MYPN: variants seen among roughly 807,000 people sequenced by gnomAD.
The protein encoded by MYPN is sarcomeric protein myopalladin, 145 kDa (MYOP).
A neutral mutation model predicts 129.4 loss-of-function variants in MYPN; 63 were observed. That is an observed-to-expected ratio of 0.49 (90% confidence interval 0.40 to 0.60). The LOEUF (loss-of-function observed/expected upper bound fraction) is 0.60, where lower values mean the gene tolerates loss of function less well. MYPN is among the 20% of genes least tolerant of loss of function. MYPN has a pLI of 0.00. For synonymous variants in MYPN, 629 were observed against 600.9 expected (o/e 1.05, Z -0.68); for missense variants, 1,596 against 1,635.4 (o/e 0.98, Z 0.42).
intron 12 of MYPN, among the ~76,000 whole-genome samples, chr10:68,182,404 C>A (rs28589321): frequency 2.4e-5 from 2 of 83,344 alleles, no homozygotes; most frequent in African/African-American, 3.5e-5. Flanking sequence ...ATATATATAA[C>A]ACATATATAT....
At chr10:68,120,602 T>C (rs1463760394) in intron 1 of MYPN, among the ~76,000 whole-genome samples, 1 of 152,198 alleles carries the variant, frequency 6.6e-6, no homozygotes, top group African/African-American at 2.4e-5. Context: ...TCTAGCAAGC[T>C]TGTCAAAAAA....
At chr10:68,169,181 TA>T (rs59317396) in intron 10 of MYPN, among the ~76,000 whole-genome samples, 9,888 of 89,468 alleles carry the variant, frequency 0.11, 578 homozygotes, top group African/African-American at 0.18. Flanking sequence ...CCGTCTCTAC[TA>T]AAAAAAAAAA....
In MYPN at chr10:68,131,650, A is replaced by G. The variant is rs376344119; in HGVS notation, c.902+9310A>G. On this transcript the variant is annotated intron_variant, in intron 2 of 19. Coordinates refer to ENST00000358913, the MANE Select transcript of MYPN (RefSeq NM_032578.4). ...TGCCTGGTTGTCCTGAGTAGCAGGG[A>G]CTACAGGTGTAAGCCACTATGCCAG... Among the ~76,000 whole-genome samples the G allele has an allele frequency of 9.9e-5, 15 of 152,280 alleles. No individual in the cohort carries two copies. The East Asian group carries it at 2.5e-3, about 25-fold the overall frequency.
rs142867001 is a variant in MYPN, at chr10:68,121,903, C to G, written c.465C>G (p.Ala155=). The G allele has an allele frequency of 1.5e-4, 249 of 1,614,152 alleles. No individual in the cohort carries two copies. The African/African-American group carries it at 3.0e-3, about 20-fold the overall frequency. ...AAAAAGTATTTTTAAATAAGGCTGC[C>G]GACTTCATTGAAGAGCTATCCTCCC... ...QSKKVFLNKA[A]DFIEELSSLF... Residue 155 remains alanine (A), a synonymous_variant, in exon 2 of 20, where the codon GCC becomes GCG. Transcript: ENST00000358913.
At chr10:68,101,199 C>T (rs1272618325), upstream of MYPN, among the ~76,000 whole-genome samples, 1 of 152,014 alleles carries the variant, frequency 6.6e-6, no homozygotes, top group African/African-American at 2.4e-5. Flanking sequence ...AAAAAAAGAC[C>T]TGGTTGAATT....
intron 1 of MYPN, among the ~76,000 whole-genome samples, chr10:68,117,439 C>G (rs950853101): frequency 1.3e-5 from 2 of 151,996 alleles, no homozygotes; most frequent in Non-Finnish European, 2.9e-5. Flanking sequence ...GGACAGTGAG[C>G]TTTGGGAGCA....
chr10:68,177,469 G>A (rs1276560521), intron 12 of MYPN, among the ~76,000 whole-genome samples: 1 of 152,208 alleles, frequency 6.6e-6, no homozygotes, highest in East Asian at 1.9e-4. Flanking sequence ...AGCTGTCTGA[G>A]ATGGAATGCT....
intron 4 of MYPN, among the ~76,000 whole-genome samples, chr10:68,147,095 C>T (rs2042679285): frequency 6.6e-6 from 1 of 152,118 alleles, no homozygotes; most frequent in Non-Finnish European, 1.5e-5. Flanking sequence ...ATTCTAAACA[C>T]ATTACATGAA....
chr10:68,111,784 C>G (rs570477851), intron 1 of MYPN, among the ~76,000 whole-genome samples: 1 of 152,330 alleles, frequency 6.6e-6, no homozygotes, highest in Non-Finnish European at 1.5e-5. Flanking sequence ...GAGACCTCCA[C>G]TCGGAGTCAC....
chr10:68,103,910 A>T (rs1434288135), upstream of MYPN, among the ~76,000 whole-genome samples: 1 of 152,222 alleles, frequency 6.6e-6, no homozygotes, highest in Non-Finnish European at 1.5e-5. Flanking sequence ...AGACCGCACC[A>T]TTGCACTCCA....
chr10:68,188,873 T>C (rs2043463234), intron 12 of MYPN, 32 bp from the exon 13 acceptor site: 3 of 1,584,762 alleles, frequency 1.9e-6, no homozygotes, highest in East Asian at 2.2e-5. Flanking sequence ...CCTTGCCATA[T>C]GGAAATTGAA....
chr10:68,103,353 C>A (rs991780334), upstream of MYPN, among the ~76,000 whole-genome samples: 1 of 152,168 alleles, frequency 6.6e-6, no homozygotes, highest in African/African-American at 2.4e-5. Flanking sequence ...GGTAACTTCC[C>A]AGAAGTGTGT....
chr10:68,146,150 C>A (rs541806168), intron 4 of MYPN, among the ~76,000 whole-genome samples: 1 of 152,204 alleles, frequency 6.6e-6, no homozygotes, highest in Admixed American at 6.5e-5. Flanking sequence ...GGCATACATA[C>A]AAAGCCTTAT....
At chr10:68,181,809 A>C (rs927041509) in intron 12 of MYPN, among the ~76,000 whole-genome samples, 5 of 151,746 alleles carry the variant, frequency 3.3e-5, no homozygotes, top group Non-Finnish European at 4.4e-5. Flanking sequence ...CAGATGGCAA[A>C]CCCCTGTGTC....
chr10:68,136,580 G>T (rs2042490637), intron 2 of MYPN: 1 of 1,493,814 alleles, frequency 6.7e-7, no homozygotes, highest in Non-Finnish European at 8.9e-7. Flanking sequence ...CAGAGTGACG[G>T]TTACCGATTG....
chr10:68,192,401 A>G (rs1191872938), intron 13 of MYPN, among the ~76,000 whole-genome samples: 1 of 152,078 alleles, frequency 6.6e-6, no homozygotes, highest in Non-Finnish European at 1.5e-5. Flanking sequence ...TTAGTTTGGT[A>G]GTATTTTGTT....
chr10:68,107,956 G>C (rs2042033096), upstream of MYPN, among the ~76,000 whole-genome samples: 2 of 152,128 alleles, frequency 1.3e-5, no homozygotes. Flanking sequence ...ATTGATTACG[G>C]CTTAAGATCT....
At chr10:68,203,223 C>G (rs867345768) in intron 18 of MYPN, among the ~76,000 whole-genome samples, 32 of 152,058 alleles carry the variant, frequency 2.1e-4, no homozygotes, top group Admixed American at 7.2e-4. Flanking sequence ...ACTCAGAGAC[C>G]GCTGCCCACT....
At chr10:68,129,190 C>T (rs935677925) in intron 2 of MYPN, among the ~76,000 whole-genome samples, 19 of 152,168 alleles carry the variant, frequency 1.2e-4, no homozygotes, top group Middle Eastern at 6.8e-3. Context: ...GAGGCTCGGC[C>T]GTCTGTGTTC....
Sources: allele counts gnomAD v4.1 joint callset (sites outside exome capture counted in the v4.1 genomes callset), GRCh38; gene constraint gnomAD v4.1.1; transcripts MANE v1.5; gene names NCBI Gene and HGNC (gene_info 2026-07-23, HGNC 2026-07-21).